The following DHRSX variants were observed in gnomAD, a reference collection of about 807,000 sequenced individuals.
The protein encoded by DHRSX is polyprenol dehydrogenase.
In DHRSX, 31 loss-of-function variants were observed where a neutral mutation model predicts 34.0. The observed-to-expected ratio is 0.91, with a 90% CI of 0.69 to 1.23. The LOEUF (loss-of-function observed/expected upper bound fraction) is 1.23, where lower values mean the gene tolerates loss of function less well. Ranked by LOEUF, DHRSX falls within the 50% of genes most tolerant of loss-of-function variation. DHRSX has a pLI of 0.00. For synonymous variants in DHRSX, 201 were observed against 183.8 expected, an observed-to-expected ratio of 1.09 and a Z score of -0.76; for missense variants, 414 against 428.1, an observed-to-expected ratio of 0.97 and a Z score of 0.29.
intron 3 of DHRSX, among the ~76,000 whole-genome samples, chrX:2,330,825 A>G (rs953453266): frequency 6.6e-5 from 10 of 152,008 alleles, no homozygotes; most frequent in East Asian, 3.9e-4. Flanking sequence ...TAAATGAAAG[A>G]AGAGAGAGAT....
At chrX:2,373,925 G>A (rs770049604) in intron 3 of DHRSX, among the ~76,000 whole-genome samples, 5 of 152,162 alleles carry the variant, frequency 3.3e-5, no homozygotes, top group South Asian at 4.2e-4. Context: ...GAAGCCACAG[G>A]AAGGAAGAAA....
chrX:2,466,050 A>C (rs2044490390), intron 1 of DHRSX, among the ~76,000 whole-genome samples: 1 of 152,140 alleles, frequency 6.6e-6, no homozygotes, highest in Non-Finnish European at 1.5e-5. Flanking sequence ...CCTGAACACG[A>C]CGCCTGTTAC....
intron 1 of DHRSX, chrX:2,487,750 T>C (rs1016175574): frequency 4.6e-5 from 7 of 152,062 alleles, no homozygotes; most frequent in African/African-American, 1.4e-4. Context: ...GTTTGCTTTT[T>C]GTTAAGTGTC....
intron 5 of DHRSX, among the ~76,000 whole-genome samples, chrX:2,263,431 A>T (rs771465117): frequency 6.6e-6 from 1 of 151,714 alleles, no homozygotes; most frequent in African/African-American, 2.4e-5. Context: ...GCACACTTTG[A>T]TCTTGGACTT....
chrX:2,345,596 A>AGATCGCACCG (rs2042697155), intron 3 of DHRSX, among the ~76,000 whole-genome samples: 3 of 148,722 alleles, frequency 2.0e-5, no homozygotes, highest in South Asian at 2.2e-4. Context: ...GCATTGAGCC[A>AGATCGCACCG]AGATCGCACC....
At chrX:2,397,514 G>A (rs752328671) in intron 3 of DHRSX, among the ~76,000 whole-genome samples, 1 of 152,132 alleles carries the variant, frequency 6.6e-6, no homozygotes, top group African/African-American at 2.4e-5. Flanking sequence ...TGCTCTGGTG[G>A]GAGAAGAGCA....
At chrX:2,472,540 T>C (rs946537983) in intron 1 of DHRSX, among the ~76,000 whole-genome samples, 28 of 152,152 alleles carry the variant, frequency 1.8e-4, no homozygotes, top group South Asian at 8.3e-4. Context: ...GAGGCCAAGA[T>C]GGGTGGATCA....
intron 3 of DHRSX, among the ~76,000 whole-genome samples, chrX:2,344,263 C>A (rs1326608710): frequency 6.6e-6 from 1 of 152,102 alleles, no homozygotes; most frequent in Non-Finnish European, 1.5e-5. Flanking sequence ...CATCACGGGT[C>A]ATTAGAGAAA....
rs1444116306 is a variant in DHRSX, at chrX:2,473,757, G to A, written c.109+27060C>T. Among the ~76,000 whole-genome samples, 13 of 139,886 alleles carry A rather than the reference G, an allele frequency of 9.3e-5. 2 individuals carry two copies. Among genetic ancestry groups the A allele is most frequent in the East Asian group, 7.7e-4 (4 of 5,168 alleles). The allele number at this position is 139,886 out of a possible 152,430, so 91.8% of individuals were successfully genotyped here. ...TCCTGTCATCCTCCCAAGTCTACACGAATATAGAGAAACACACTAGAAGTC... is the reference window on the plus strand; with the variant it reads ...TCCTGTCATCCTCCCAAGTCTACACAAATATAGAGAAACACACTAGAAGTC... On this transcript the variant is annotated intron_variant, in intron 1 of 6. Coordinates refer to ENST00000334651, the MANE Select transcript of DHRSX (RefSeq NM_145177.3).
chrX:2,465,527 G>C (rs778994207), intron 1 of DHRSX, among the ~76,000 whole-genome samples: 160 of 152,090 alleles, frequency 1.1e-3, no homozygotes, highest in African/African-American at 3.3e-3. Flanking sequence ...AGACGGCCAG[G>C]CACCGTGGCT....
intron 3 of DHRSX, among the ~76,000 whole-genome samples, chrX:2,293,520 G>A (rs2041892281): frequency 6.6e-6 from 1 of 152,104 alleles, no homozygotes; most frequent in Non-Finnish European, 1.5e-5. Context: ...GGAAGGTATT[G>A]GGGGACACTG....
chrX:2,332,050 G>A (rs772849478), intron 3 of DHRSX, among the ~76,000 whole-genome samples: 42 of 152,146 alleles, frequency 2.8e-4, no homozygotes, highest in African/African-American at 9.2e-4. Context: ...AATATATATC[G>A]TTGGAATGGT....
intron 4 of DHRSX, among the ~76,000 whole-genome samples, chrX:2,267,440 G>A (rs961145806): frequency 1.3e-5 from 2 of 151,924 alleles, no homozygotes; most frequent in African/African-American, 4.8e-5. Context: ...AGCTACTCAG[G>A]AGGCTGAGGC....
intron 4 of DHRSX, among the ~76,000 whole-genome samples, chrX:2,285,288 A>G (rs2041791717): frequency 6.6e-6 from 1 of 152,178 alleles, no homozygotes; most frequent in African/African-American, 2.4e-5. Context: ...CTGTGACTAG[A>G]CAGTCCCATC....
chrX:2,371,546 T>TCCATTACCATAGTACCTC (rs2043068390), intron 3 of DHRSX, among the ~76,000 whole-genome samples: 1 of 80,222 alleles, frequency 1.2e-5, no homozygotes, highest in Non-Finnish European at 4.5e-5. Context: ...AGTCCGTCCT[T>TCCATTACCATAGTACCTC]CTGTTACCAT....
intron 4 of DHRSX, among the ~76,000 whole-genome samples, chrX:2,283,007 A>G (rs889450867): frequency 2.0e-5 from 3 of 151,714 alleles, no homozygotes; most frequent in African/African-American, 7.3e-5. Context: ...AAGAGGTGGA[A>G]AGAGAGAATG....
At chrX:2,438,053 T>C (rs762487581) in intron 1 of DHRSX, among the ~76,000 whole-genome samples, 14 of 150,264 alleles carry the variant, frequency 9.3e-5, no homozygotes, top group African/African-American at 3.4e-4. Flanking sequence ...GGCTCATGCC[T>C]GTAATCCCAG....
intron 3 of DHRSX, among the ~76,000 whole-genome samples, chrX:2,398,670 C>CTTTTTT (rs34876710): frequency 7.7e-6 from 1 of 130,012 alleles, no homozygotes; most frequent in Non-Finnish European, 1.6e-5. Flanking sequence ...ATGCATATTC[C>CTTTTTT]TTTTTTTTTT....
intron 5 of DHRSX, among the ~76,000 whole-genome samples, chrX:2,264,956 T>C (rs1467096004): frequency 7.9e-6 from 1 of 126,082 alleles, no homozygotes; most frequent in Non-Finnish European, 1.7e-5. Flanking sequence ...GGGAGCACCG[T>C]AGCCAGAGCA....
Sources: allele counts gnomAD v4.1 joint callset (sites outside exome capture counted in the v4.1 genomes callset), GRCh38; gene constraint gnomAD v4.1.1; transcripts MANE v1.5; gene names NCBI Gene and HGNC (gene_info 2026-07-23, HGNC 2026-07-21).